HS3ST4: variants seen among roughly 807,000 people sequenced by gnomAD.
HS3ST4 encodes the protein heparan sulfate glucosamine 3-O-sulfotransferase 4.
In HS3ST4, 17 loss-of-function variants were observed where a neutral mutation model predicts 29.2. That is an observed-to-expected ratio of 0.58 (90% CI 0.40 to 0.87). The LOEUF (loss-of-function observed/expected upper bound fraction) is 0.87, where lower values mean the gene tolerates loss of function less well. Ranked by LOEUF, HS3ST4 falls within the 40% of genes least tolerant of loss-of-function variation. HS3ST4 has a pLI of 0.00. For synonymous variants in HS3ST4, 314 were observed against 285.7 expected (o/e 1.10, Z -1.00); for missense variants, 627 against 634.5 (o/e 0.99, Z 0.13).
At chr16:25,784,234 AT>A (rs1966855259) in intron 1 of HS3ST4, among the ~76,000 whole-genome samples, 1 of 152,112 alleles carries the variant, frequency 6.6e-6, no homozygotes, top group Non-Finnish European at 1.5e-5. Flanking sequence ...GGGACTTCCA[AT>A]TCCCTGAGAC....
intron 1 of HS3ST4, among the ~76,000 whole-genome samples, chr16:25,701,819 G>C (rs1232547810): frequency 6.6e-6 from 1 of 152,226 alleles, no homozygotes; most frequent in Admixed American, 6.5e-5. Context: ...GGTGTTATCA[G>C]TCTTGACAGA....
intron 1 of HS3ST4, among the ~76,000 whole-genome samples, chr16:25,857,457 A>G (rs1967585026): frequency 6.6e-6 from 1 of 152,212 alleles, no homozygotes; most frequent in African/African-American, 2.4e-5. Context: ...AATGAGCCCT[A>G]TGTGGTCATG....
At chr16:25,944,358 T>C (rs554301316) in intron 1 of HS3ST4, among the ~76,000 whole-genome samples, 6 of 152,358 alleles carry the variant, frequency 3.9e-5, no homozygotes, top group Admixed American at 3.9e-4. Flanking sequence ...GATTCTCCCT[T>C]AATGAAAGGG....
chr16:26,083,780 A>G (rs12599716), intron 1 of HS3ST4, among the ~76,000 whole-genome samples: 73,697 of 151,934 alleles, frequency 0.49, 18,085 homozygotes, highest in Middle Eastern at 0.56. Flanking sequence ...GTTATCTCAC[A>G]TGTGCCCTAA....
intron 1 of HS3ST4, among the ~76,000 whole-genome samples, chr16:26,022,118 A>G (rs1232677001): frequency 6.6e-6 from 1 of 152,036 alleles, no homozygotes; most frequent in African/African-American, 2.4e-5. Flanking sequence ...ACATGTCACC[A>G]TGCCTGGCTA....
At position 25,740,758 on chromosome 16, in the gene HS3ST4, G is replaced by A. The variant is rs185663380; in HGVS notation, c.734+47607G>A. The stretch of plus-strand genomic sequence containing the variant: ...ACTCATAAGGAAACTGAGGCTCAGC[G>A]AGATGGAGTCACTTGCCCAGGGTCA... On this transcript the variant is annotated intron_variant, in intron 1 of 1. Coordinates refer to ENST00000331351, the MANE Select transcript of HS3ST4 (RefSeq NM_006040.3). Among the ~76,000 whole-genome samples the A allele has an allele frequency of 1.5e-3, 234 of 152,280 alleles. 9 individuals carry two copies. Among genetic ancestry groups the A allele is most frequent in the Admixed American group, 0.015 (227 of 15,296 alleles).
chr16:26,125,817 C>G (rs191506308), intron 1 of HS3ST4, among the ~76,000 whole-genome samples: 2 of 152,314 alleles, frequency 1.3e-5, no homozygotes, highest in East Asian at 3.9e-4. Flanking sequence ...GTTTTCTTAT[C>G]TCTCAGTCAT....
chr16:25,715,279 G>A (rs896221571), intron 1 of HS3ST4, among the ~76,000 whole-genome samples: 11 of 143,492 alleles, frequency 7.7e-5, no homozygotes, highest in South Asian at 2.2e-4. Context: ...CCGAGATCGC[G>A]CCACTGCAGT....
At chr16:25,889,330 C>G (rs1326562672) in intron 1 of HS3ST4, among the ~76,000 whole-genome samples, 1 of 152,152 alleles carries the variant, frequency 6.6e-6, no homozygotes. Flanking sequence ...ACAAGAAAGT[C>G]GGGGCTCTCC....
intron 1 of HS3ST4, among the ~76,000 whole-genome samples, chr16:25,772,781 G>A (rs1399655264): frequency 2.0e-5 from 3 of 152,164 alleles, no homozygotes; most frequent in Non-Finnish European, 4.4e-5. Context: ...GAGAGAGGGT[G>A]AGAAACGTTT....
intron 1 of HS3ST4, among the ~76,000 whole-genome samples, chr16:26,088,469 G>C (rs1898815782): frequency 6.6e-6 from 1 of 152,158 alleles, no homozygotes; most frequent in Non-Finnish European, 1.5e-5. Context: ...GTTTGTTGTG[G>C]TAATGTATAG....
chr16:25,701,511 G>A (rs988872576), intron 1 of HS3ST4, among the ~76,000 whole-genome samples: 3 of 152,280 alleles, frequency 2.0e-5, no homozygotes, highest in African/African-American at 7.2e-5. Context: ...GTGGGGGCCA[G>A]TTAAGCCAGA....
chr16:26,075,076 C>T (rs916198268), intron 1 of HS3ST4, among the ~76,000 whole-genome samples: 1 of 152,124 alleles, frequency 6.6e-6, no homozygotes, highest in African/African-American at 2.4e-5. Context: ...GCCTGTAGTC[C>T]CAGCTACGCA....
At chr16:25,767,423 G>A (rs1033372408) in intron 1 of HS3ST4, among the ~76,000 whole-genome samples, 3 of 152,152 alleles carry the variant, frequency 2.0e-5, no homozygotes, top group Admixed American at 6.5e-5. Flanking sequence ...ATGTCTCCTC[G>A]GGGGGTGGCT....
chr16:25,935,223 T>C (rs777696807), intron 1 of HS3ST4, among the ~76,000 whole-genome samples: 15 of 152,162 alleles, frequency 9.9e-5, no homozygotes, highest in Non-Finnish European at 1.8e-4. Context: ...TATTTCTTTA[T>C]AGCAGTGTGA....
Position 25,692,631 on chromosome 16 carries a change from GCCGCCGAGCCC to G in HS3ST4, c.226_236del (p.Pro76AlafsTer190), listed in dbSNP as rs1352779221. The stretch of plus-strand genomic sequence containing the variant: ...GGCGCTGCAGGAGTCGCCGGGCGCC[GCCGCCGAGCCC>G]CCGCCGAGCCCGCCGCCACCCTCTC... On this transcript the variant is annotated frameshift_variant, in exon 1 of 2. Transcript: ENST00000331351. LOFTEE classifies it high-confidence loss of function. 3.7e-6 allele frequency: 5 copies of G among 1,363,236 alleles called. No homozygotes were observed. The highest frequency in any genetic ancestry group is 3.8e-6 in the Non-Finnish European group (4 of 1,048,480). The allele number at this position is 1,363,236 out of a possible 1,614,324, so 84.4% of individuals were successfully genotyped here.
At chr16:25,887,509 TATAA>T (rs1567265121) in intron 1 of HS3ST4, among the ~76,000 whole-genome samples, 1 of 152,102 alleles carries the variant, frequency 6.6e-6, no homozygotes, top group African/African-American at 2.4e-5. Flanking sequence ...AATTACCAGA[TATAA>T]ATAAATTCCC....
chr16:26,002,759 AAGAG>A (rs572792039), intron 1 of HS3ST4, among the ~76,000 whole-genome samples: 19 of 151,600 alleles, frequency 1.3e-4, no homozygotes, highest in Admixed American at 5.3e-4. Context: ...GAAAGAAAGA[AAGAG>A]AGAGAAAAAG....
In HS3ST4 at chr16:25,948,797, C is replaced by T. The variant is rs549096929; in HGVS notation, c.735-186815C>T. Among the ~76,000 whole-genome samples the T allele has an allele frequency of 2.6e-5, 4 of 152,308 alleles. No individual in the cohort carries two copies. The East Asian group carries it at 5.8e-4, about 22-fold the overall frequency. On this transcript the variant is annotated intron_variant, in intron 1 of 1. Coordinates refer to ENST00000331351, the MANE Select transcript of HS3ST4 (RefSeq NM_006040.3). ...CACTTATAGTGACAAAACCACTCTA[C>T]GGAGCACTTACACTCACCACCTGAC...
Sources: gnomAD v4.1 joint callset for allele counts (sites outside exome capture counted in the v4.1 genomes callset) on GRCh38, gnomAD v4.1.1 for gene constraint, MANE v1.5 for transcripts, NCBI Gene and HGNC (gene_info 2026-07-23, HGNC 2026-07-21) for gene names.